The following ZNF516 variants were observed in gnomAD, a reference collection of about 807,000 sequenced individuals.
ZNF516 encodes the protein zinc finger protein 516.
ZNF516 carries 19 observed loss-of-function variants against 79.7 expected under a neutral mutation model. The ratio of observed to expected loss-of-function variants is 0.24; its 90% CI spans 0.17 to 0.35. ZNF516 has a LOEUF of 0.35. ZNF516 is among the 10% of genes least tolerant of loss of function. The probability of loss-of-function intolerance (pLI) is 1.00; values close to 1 mark genes in which losing one functional copy is unlikely to be tolerated. For synonymous variants in ZNF516, 877 were observed against 739.5 expected (o/e 1.19, Z -3.02); for missense variants, 1,678 against 1,679.5 (o/e 1.00, Z 0.02).
intron 1 of ZNF516, among the ~76,000 whole-genome samples, chr18:76,470,869 T>G (rs527711033): frequency 5.9e-4 from 89 of 152,078 alleles, no homozygotes; most frequent in African/African-American, 2.1e-3. Context: ...CAACAAAAGT[T>G]AGCCTGGCAT....
intron 3 of ZNF516, among the ~76,000 whole-genome samples, chr18:76,436,511 G>A (rs562599089): frequency 5.9e-5 from 9 of 152,298 alleles, no homozygotes; most frequent in Middle Eastern, 6.8e-3. Context: ...AGCTTTGCCC[G>A]TGTTGCGTCC....
At chr18:76,382,626 T>C (rs1444872446) in intron 3 of ZNF516, among the ~76,000 whole-genome samples, 1 of 152,110 alleles carries the variant, frequency 6.6e-6, no homozygotes, top group Non-Finnish European at 1.5e-5. Flanking sequence ...AAGTGAATAA[T>C]CTAGCCAGGC....
chr18:76,446,351 G>A (rs1311204402), intron 2 of ZNF516, among the ~76,000 whole-genome samples: 1 of 152,136 alleles, frequency 6.6e-6, no homozygotes, highest in Non-Finnish European at 1.5e-5. Flanking sequence ...TTCCAGGAGT[G>A]CTGGGGAAAT....
Position 76,471,477 on chromosome 18 carries a change from A to G in ZNF516, c.-271-8336T>C, listed in dbSNP as rs78145899. Among the ~76,000 whole-genome samples the G allele has an allele frequency of 6.4e-4, 97 of 152,136 alleles. 1 individual carries two copies. In the East Asian group the frequency reaches 0.018, roughly 28 times the overall value. On this transcript the variant is annotated intron_variant, in intron 1 of 6. Coordinates refer to ENST00000443185, the MANE Select transcript of ZNF516 (RefSeq NM_014643.4). ...CTCTTCTTTGGCCCTCGTTTTTCCCATCTGTGAAATGTGTCATTTGTAATG... is the reference window on the plus strand; with the variant it reads ...CTCTTCTTTGGCCCTCGTTTTTCCCGTCTGTGAAATGTGTCATTTGTAATG...
chr18:76,438,757 A>C lies in ZNF516; in HGVS notation c.1810+2488T>G, dbSNP rs369566216. On this transcript the variant is annotated intron_variant, in intron 3 of 6. Transcript: ENST00000443185. ...ATTTCCAGATCCAGAAACAGCATTCAAATCAATTCCCAGATGTCAAAGAAA... is the reference window on the plus strand; with the variant it reads ...ATTTCCAGATCCAGAAACAGCATTCCAATCAATTCCCAGATGTCAAAGAAA... 3.6e-4 allele frequency among the ~76,000 whole-genome samples: 55 copies of C among 152,292 alleles called. No individual in the cohort carries two copies. The South Asian group carries it at 0.01, about 28-fold the overall frequency.
chr18:76,460,385 G>A (rs1913026301), intron 2 of ZNF516, among the ~76,000 whole-genome samples: 1 of 152,148 alleles, frequency 6.6e-6, no homozygotes, highest in African/African-American at 2.4e-5. Flanking sequence ...CCGCTCTCTG[G>A]TGCCTGGAAT....
At chr18:76,439,996 GAGA>G (rs1389557637) in intron 3 of ZNF516, among the ~76,000 whole-genome samples, 1 of 152,156 alleles carries the variant, frequency 6.6e-6, no homozygotes, top group African/African-American at 2.4e-5. Context: ...AGCATTTTCA[GAGA>G]AGACCATGTC....
At chr18:76,392,340 C>T (rs1218428371) in intron 3 of ZNF516, among the ~76,000 whole-genome samples, 2 of 152,202 alleles carry the variant, frequency 1.3e-5, no homozygotes, top group Non-Finnish European at 2.9e-5. Context: ...CAGCCACAGG[C>T]TCTAGGGTTG....
At chr18:76,413,029 C>T (rs187991057) in intron 3 of ZNF516, among the ~76,000 whole-genome samples, 1 of 152,354 alleles carries the variant, frequency 6.6e-6, no homozygotes, top group Admixed American at 6.5e-5. Flanking sequence ...GACACTGCAC[C>T]TGCCAAGGTA....
intron 3 of ZNF516, among the ~76,000 whole-genome samples, chr18:76,383,907 G>A (rs2074936115): frequency 6.6e-6 from 1 of 152,220 alleles, no homozygotes; most frequent in African/African-American, 2.4e-5. Flanking sequence ...CTCCAATCAT[G>A]GGAATAAACT....
In ZNF516 at chr18:76,437,528, CTAT is replaced by C. The variant is rs532688464; in HGVS notation, c.1810+3714_1810+3716del. On this transcript the variant is annotated intron_variant, in intron 3 of 6. Coordinates refer to ENST00000443185, the MANE Select transcript of ZNF516 (RefSeq NM_014643.4). The stretch of plus-strand genomic sequence containing the variant: ...ACTTGTTCCAAGCACTTTTTTTATT[CTAT>C]TGAGTCATACAATTTGCCATTATGT... 4.5e-3 allele frequency among the ~76,000 whole-genome samples: 675 copies of C among 150,946 alleles called. 6 individuals carry two copies. Among genetic ancestry groups the C allele is most frequent in the African/African-American group, 0.016 (641 of 41,130 alleles).
chr18:76,404,554 ATGTGTT>A (rs2075275761), intron 3 of ZNF516, among the ~76,000 whole-genome samples: 1 of 151,616 alleles, frequency 6.6e-6, no homozygotes, highest in South Asian at 2.1e-4. Flanking sequence ...GAACGTGTGC[ATGTGTT>A]TGTATGTTTG....
chr18:76,489,586 C>CAAA (rs5826461), intron 1 of ZNF516, among the ~76,000 whole-genome samples: 6 of 109,392 alleles, frequency 5.5e-5, no homozygotes, highest in Non-Finnish European at 7.7e-5. Flanking sequence ...CAACATCTTA[C>CAAA]AAAAAAAAAA....
chr18:76,446,612 G>T (rs934678297), intron 2 of ZNF516, among the ~76,000 whole-genome samples: 2 of 152,166 alleles, frequency 1.3e-5, no homozygotes, highest in Non-Finnish European at 2.9e-5. Flanking sequence ...TCAGGCACCC[G>T]GTGACTAGAG....
chr18:76,432,629 C>A (rs1025886385), intron 3 of ZNF516, among the ~76,000 whole-genome samples: 1 of 152,206 alleles, frequency 6.6e-6, no homozygotes, highest in East Asian at 1.9e-4. Context: ...TGGGCCCCAG[C>A]GCCAATGAAA....
chr18:76,495,972 C>T (rs972911880), upstream of ZNF516, among the ~76,000 whole-genome samples: 16 of 152,212 alleles, frequency 1.1e-4, no homozygotes, highest in Non-Finnish European at 2.1e-4. Flanking sequence ...GGGTTGTTTA[C>T]CGGTAGCCTC....
chr18:76,363,014 G>A (rs1265447000), intron 6 of ZNF516, among the ~76,000 whole-genome samples: 2 of 152,222 alleles, frequency 1.3e-5, no homozygotes, highest in Non-Finnish European at 2.9e-5. Context: ...CAAACAAAAA[G>A]AAGAGCACGG....
At position 76,442,304 on chromosome 18, in the gene ZNF516, C is replaced by G; in HGVS notation, c.751G>C (p.Glu251Gln). ...PELSPGEFPC[E>Q]VCGQAFSQTW... ...TGGCTGAAGGCCTGGCCACACACCT[C>G]GCACGGGAACTCCCCGGGGCTCAGC... Residue 251 changes from glutamate to glutamine, a missense_variant, in exon 3 of 7, where the codon GAG becomes CAG. By Grantham distance (29) the Glu-to-Gln change is conservative (BLOSUM62 2). Coordinates refer to ENST00000443185, the MANE Select transcript of ZNF516 (RefSeq NM_014643.4). The G allele has an allele frequency of 6.2e-7, 1 of 1,612,444 alleles. No homozygotes were observed. Among genetic ancestry groups the G allele is most frequent in the Non-Finnish European group, 8.5e-7 (1 of 1,179,540 alleles).
chr18:76,441,172 A>G (rs1208762547), intron 3 of ZNF516, 73 bp downstream of exon 3: 2 of 1,520,376 alleles, frequency 1.3e-6, no homozygotes, highest in African/African-American at 1.4e-5. Context: ...ACTTGAGTAT[A>G]CGTTTACCTG....
Sources: gnomAD v4.1 joint callset for allele counts (sites outside exome capture counted in the v4.1 genomes callset) on GRCh38, gnomAD v4.1.1 for gene constraint, MANE v1.5 for transcripts, NCBI Gene and HGNC (gene_info 2026-07-23, HGNC 2026-07-21) for gene names.